Variants in ARHGEF4 observed in about 807,000 individuals in gnomAD.
ARHGEF4 encodes Rho guanine nucleotide exchange factor 4.
In ARHGEF4, 119 loss-of-function variants were observed where a neutral mutation model predicts 162.0. That is an observed-to-expected ratio of 0.73 (90% confidence interval 0.63 to 0.86). ARHGEF4 has a LOEUF of 0.86. ARHGEF4 is among the 40% of genes least tolerant of loss of function. The probability of loss-of-function intolerance (pLI) is 0.00; values close to 1 mark genes in which losing one functional copy is unlikely to be tolerated. For synonymous variants in ARHGEF4, 1,014 were observed against 979.9 expected (o/e 1.03, Z -0.65); for missense variants, 2,488 against 2,456.0 (o/e 1.01, Z -0.28).
chr2:130,852,064 G>A (rs2092934043), intron 1 of ARHGEF4, among the ~76,000 whole-genome samples: 1 of 152,384 alleles, frequency 6.6e-6, no homozygotes, highest in East Asian at 1.9e-4. Context: ...TATTTTTACA[G>A]TGGGGGAGAT....
At chr2:131,027,904 C>G in intron 4 of ARHGEF4, 41 bp from the exon 5 acceptor site, 1 of 1,610,356 alleles carries the variant, frequency 6.2e-7, no homozygotes, top group South Asian at 1.1e-5. Flanking sequence ...CAGCCCTTCC[C>G]AGCCCAGCCC....
chr2:130,966,640 C>T (rs1469353695), intron 4 of ARHGEF4, among the ~76,000 whole-genome samples: 1 of 152,190 alleles, frequency 6.6e-6, no homozygotes, highest in African/African-American at 2.4e-5. Flanking sequence ...GGTTTTCAGC[C>T]AGTCTGTGCC....
At chr2:130,867,813 C>G (rs773993115) in intron 1 of ARHGEF4, among the ~76,000 whole-genome samples, 2 of 152,194 alleles carry the variant, frequency 1.3e-5, no homozygotes, top group Non-Finnish European at 2.9e-5. Flanking sequence ...AGCCTTCTCC[C>G]CGGTCCCACT....
chr2:131,040,897 A>G (rs1029312404), intron 8 of ARHGEF4, among the ~76,000 whole-genome samples: 1 of 152,136 alleles, frequency 6.6e-6, no homozygotes, highest in Non-Finnish European at 1.5e-5. Flanking sequence ...CCTCTTGGGC[A>G]GTCGAGCGAG....
At chr2:130,982,030 A>G (rs1686153084) in intron 4 of ARHGEF4, among the ~76,000 whole-genome samples, 1 of 152,020 alleles carries the variant, frequency 6.6e-6, no homozygotes, top group Non-Finnish European at 1.5e-5. Flanking sequence ...ATGGAGTCCT[A>G]CTCTGTCACC....
intron 4 of ARHGEF4, among the ~76,000 whole-genome samples, chr2:131,025,594 A>T (rs1411206740): frequency 6.6e-6 from 1 of 152,118 alleles, no homozygotes; most frequent in Non-Finnish European, 1.5e-5. Context: ...TTTCATCACC[A>T]TTTATGTGTT....
intron 5 of ARHGEF4, among the ~76,000 whole-genome samples, chr2:131,033,464 C>T (rs1367101031): frequency 6.6e-6 from 1 of 152,204 alleles, no homozygotes; most frequent in Non-Finnish European, 1.5e-5. Context: ...CACTCAGTGC[C>T]TTTGCCGGCC....
chr2:131,046,064 C>T lies in ARHGEF4; in HGVS notation c.5506C>T (p.Arg1836Cys), dbSNP rs61758709. The change falls in exon 14 of 14, where the codon CGC (arginine) becomes TGC (cysteine). Residue 1836 changes from arginine (R) to cysteine (C), a missense_variant. Arg to Cys is a radical substitution (Grantham distance 180, BLOSUM62 -3). Coordinates refer to ENST00000409359, the MANE Select transcript of ARHGEF4 (RefSeq NM_001367493.1). ...KAVGRPCYLT[R>C]QKHPALPSNR... The stretch of plus-strand genomic sequence containing the variant: ...TGTTGGCCGGCCCTGCTACCTGACG[C>T]GCCAGAAGCACCCAGCCCTGCCCAG... The T allele has an allele frequency of 6.1e-4, 980 of 1,612,244 alleles. 1 individual carries two copies. Among genetic ancestry groups the T allele is most frequent in the African/African-American group, 1.1e-3 (86 of 75,056 alleles).
At chr2:130,982,067 T>C (rs1573518010) in intron 4 of ARHGEF4, among the ~76,000 whole-genome samples, 1 of 152,168 alleles carries the variant, frequency 6.6e-6, no homozygotes, top group South Asian at 2.1e-4. Flanking sequence ...GGCATTGTGT[T>C]GGCTCACTGC....
intron 1 of ARHGEF4, among the ~76,000 whole-genome samples, chr2:130,892,024 T>C (rs1458341559): frequency 1.3e-5 from 2 of 152,190 alleles, no homozygotes; most frequent in East Asian, 3.8e-4. Flanking sequence ...TAAAAAATTT[T>C]ATAGAGACAG....
At chr2:131,000,000 C>T (rs1687664866) in intron 4 of ARHGEF4, among the ~76,000 whole-genome samples, 1 of 152,246 alleles carries the variant, frequency 6.6e-6, no homozygotes, top group South Asian at 2.1e-4. Context: ...TAAGCCACCA[C>T]TCCCAGCCAG....
chr2:130,915,280 A>G lies in ARHGEF4; in HGVS notation c.1334A>G (p.Glu445Gly). 6.4e-7 allele frequency: 1 copy of G among 1,550,570 alleles called. No homozygotes were observed. Among genetic ancestry groups the G allele is most frequent in the Non-Finnish European group, 8.7e-7 (1 of 1,147,014 alleles). ...CTGGTGGCTTCATGCCTCACCTCAG[A>G]GTTAGTGAAGCTCAGTGCAGAGGAA... is the stretch of plus-strand genomic sequence containing the variant. ...SCLVASCLTS[E>G]LVKLSAEEVP... is the part of the protein sequence containing the mutation. The change falls in exon 2 of 14, where the codon GAG becomes GGG. Residue 445 changes from glutamate to glycine, a missense_variant. Glu to Gly is a moderately conservative substitution (Grantham distance 98). This residue lies in a region of ARHGEF4 where 1,642 missense variants were observed against 1,481.5 expected (regional missense o/e 1.11). Coordinates refer to ENST00000409359, the MANE Select transcript of ARHGEF4 (RefSeq NM_001367493.1).
In ARHGEF4 at chr2:131,047,154, G is replaced by A. The variant is rs1691325672; in HGVS notation, c.*965G>A. On this transcript the variant is annotated 3_prime_UTR_variant, in exon 14 of 14. Transcript: ENST00000409359. ...AGCCAGGGCCTGGCGAGCTGGCGTG[G>A]AGCCCACAGGATTCAGCAGCATGGA... The A allele has an allele frequency of 6.6e-6, 1 of 152,322 alleles. No homozygotes were observed. Among genetic ancestry groups the A allele is most frequent in the Admixed American group, 6.5e-5 (1 of 15,290 alleles). 9.4% of individuals were successfully genotyped at this position (152,322 alleles called of 1,614,324 possible).
At chr2:130,908,801 T>A (rs1005271165) in intron 1 of ARHGEF4, among the ~76,000 whole-genome samples, 1 of 152,120 alleles carries the variant, frequency 6.6e-6, no homozygotes, top group Admixed American at 6.6e-5. Context: ...ACAAAAGACT[T>A]ATATATAAGG....
At chr2:130,985,275 A>C (rs902705930) in intron 4 of ARHGEF4, among the ~76,000 whole-genome samples, 4 of 152,192 alleles carry the variant, frequency 2.6e-5, no homozygotes, top group Admixed American at 2.6e-4. Context: ...CTGAGACCCC[A>C]GGTCCAAGGC....
intron 1 of ARHGEF4, among the ~76,000 whole-genome samples, chr2:130,883,738 G>A (rs775518181): frequency 6.6e-6 from 1 of 151,964 alleles, no homozygotes; most frequent in Non-Finnish European, 1.5e-5. Flanking sequence ...GCCCTCTGAT[G>A]CAGCCGTGGG....
chr2:130,884,626 G>A lies in ARHGEF4; in HGVS notation c.40-29360G>A, dbSNP rs541808530. Among the ~76,000 whole-genome samples, 58 of 152,192 alleles carry A rather than the reference G, an allele frequency of 3.8e-4. 1 individual carries two copies. In the South Asian group the frequency reaches 5.6e-3, roughly 15 times the overall value. Reference sequence around the variant, plus strand: ...GCAAGTTGCAACACCTGTTCTGAGCGTTCATCCTCTGCTGGACGAAGTAAA... The same window carrying A: ...GCAAGTTGCAACACCTGTTCTGAGCATTCATCCTCTGCTGGACGAAGTAAA... On this transcript the variant is annotated intron_variant, in intron 1 of 13. Transcript: ENST00000409359.
chr2:130,980,122 C>T (rs1459587081), intron 4 of ARHGEF4, among the ~76,000 whole-genome samples: 3 of 152,142 alleles, frequency 2.0e-5, no homozygotes, highest in South Asian at 2.1e-4. Flanking sequence ...TCTGGATGGG[C>T]ATGGTGGCTC....
At chr2:131,007,159 T>C (rs1257552253) in intron 4 of ARHGEF4, among the ~76,000 whole-genome samples, 1 of 152,244 alleles carries the variant, frequency 6.6e-6, no homozygotes, top group Non-Finnish European at 1.5e-5. Flanking sequence ...CAGTCCTCTA[T>C]GTGGAAGATG....
Sources: allele counts gnomAD v4.1 joint callset (sites outside exome capture counted in the v4.1 genomes callset), GRCh38; gene constraint gnomAD v4.1.1; regional missense constraint gnomAD v4.1.1; transcripts MANE v1.5; gene names NCBI Gene and HGNC (gene_info 2026-07-23, HGNC 2026-07-21).